Variants in SORCS2 observed in about 807,000 individuals in gnomAD.
SORCS2 encodes sortilin related VPS10 domain containing receptor 2.
In SORCS2, 100 loss-of-function variants were observed where a neutral mutation model predicts 141.6. The observed-to-expected ratio is 0.71, with a 90% CI of 0.60 to 0.83. SORCS2 has a LOEUF of 0.83. Among genes scored for constraint, SORCS2 ranks in the 40% least tolerant of loss-of-function variants. SORCS2 has a pLI of 0.00. For missense variants in SORCS2, 1,646 were observed against 1,560.2 expected, an observed-to-expected ratio of 1.05 and a Z score of -0.93; for synonymous variants, 789 against 676.9, an observed-to-expected ratio of 1.17 and a Z score of -2.57.
At chr4:7,552,652 C>G (rs995715435) in intron 3 of SORCS2, among the ~76,000 whole-genome samples, 4 of 152,226 alleles carry the variant, frequency 2.6e-5, no homozygotes, top group African/African-American at 9.6e-5. Flanking sequence ...AGTGCTTCAA[C>G]CTCCTGCCAT....
chr4:7,514,586 C>A (rs958132453), intron 2 of SORCS2, among the ~76,000 whole-genome samples: 1 of 151,898 alleles, frequency 6.6e-6, no homozygotes, highest in African/African-American at 2.4e-5. Flanking sequence ...GGGCTTCCCA[C>A]GGGGTGTCTG....
chr4:7,434,797 T>G lies in SORCS2; in HGVS notation c.548+38442T>G, dbSNP rs1727181143. On this transcript the variant is annotated intron_variant, in intron 2 of 26. Transcript: ENST00000507866. Reference sequence around the variant, plus strand: ...ATCCTGACACCACACCGTGGAGCCCTTTGCACACTCCTGGGGGCCTGAGGT... The same window carrying G: ...ATCCTGACACCACACCGTGGAGCCCGTTGCACACTCCTGGGGGCCTGAGGT... 1.2e-6 allele frequency: 2 copies of G among 1,610,264 alleles called. No individual in the cohort carries two copies. The highest frequency in any genetic ancestry group is 1.7e-5 in the Admixed American group (1 of 59,520).
In SORCS2 at chr4:7,233,807, A is replaced by G. The variant is rs566557992; in HGVS notation, c.480+40681A>G. On this transcript the variant is annotated intron_variant, in intron 1 of 26. Coordinates refer to ENST00000507866, the MANE Select transcript of SORCS2 (RefSeq NM_020777.3). This position sits in a 1 kb window ranked among gnomAD's most constrained non-coding sequence, Gnocchi z 4.5. ...ACGCCTCAGTTTTCCTGTCTGTAAA[A>G]TGGGTGCCGTGGTGCAAACATCAGA... is the stretch of plus-strand genomic sequence containing the variant. 6.6e-6 allele frequency among the ~76,000 whole-genome samples: 1 copy of G among 152,242 alleles called. No homozygotes were observed. The highest frequency in any genetic ancestry group is 2.1e-4 in the South Asian group (1 of 4,832).
At chr4:7,729,836 G>A (rs1711534738) in intron 23 of SORCS2, 124 bp downstream of exon 23, 2 of 1,363,432 alleles carry the variant, frequency 1.5e-6, no homozygotes, top group East Asian at 2.6e-5. Context: ...CTGCATCTCA[G>A]TCTGACTCAG....
chr4:7,219,622 T>G (rs1163557375), intron 1 of SORCS2, among the ~76,000 whole-genome samples: 1 of 152,136 alleles, frequency 6.6e-6, no homozygotes, highest in Non-Finnish European at 1.5e-5. Context: ...TGCCAGATGC[T>G]TATAAAACCA....
intron 1 of SORCS2, among the ~76,000 whole-genome samples, chr4:7,216,400 T>A (rs1728354125): frequency 6.6e-6 from 1 of 152,184 alleles, no homozygotes; most frequent in Non-Finnish European, 1.5e-5. Context: ...CTTGTTTTAA[T>A]CCTGTGGCTG....
chr4:7,451,811 C>G (rs148084345), intron 2 of SORCS2, among the ~76,000 whole-genome samples: 2 of 152,178 alleles, frequency 1.3e-5, no homozygotes, highest in African/African-American at 4.8e-5. Context: ...CAGACTGAAG[C>G]GGGGAGCTCA....
chr4:7,300,527 C>T (rs896339582), intron 1 of SORCS2, among the ~76,000 whole-genome samples: 2 of 152,182 alleles, frequency 1.3e-5, no homozygotes, highest in Non-Finnish European at 2.9e-5. Context: ...CATGAGTCCC[C>T]GCCACCACGG....
intron 2 of SORCS2, among the ~76,000 whole-genome samples, chr4:7,422,469 G>A (rs113578682): frequency 6.6e-6 from 1 of 152,120 alleles, no homozygotes; most frequent in African/African-American, 2.4e-5. Flanking sequence ...TGTGTGGACC[G>A]GGCTGGTGTG....
intron 3 of SORCS2, among the ~76,000 whole-genome samples, chr4:7,582,483 G>T (rs1716222911): frequency 6.6e-6 from 1 of 152,122 alleles, no homozygotes; most frequent in Non-Finnish European, 1.5e-5. Context: ...CCGGAAAGGC[G>T]GCCGCCCCCT....
In SORCS2 at chr4:7,564,965, T is replaced by G. The variant is rs375391882; in HGVS notation, c.648+33336T>G. ...AACTTTGGAAGTGGCCACTGGCCAC[T>G]CTGAATGAGATGCGGTGCACCGGCA... On this transcript the variant is annotated intron_variant, in intron 3 of 26. Coordinates refer to ENST00000507866, the MANE Select transcript of SORCS2 (RefSeq NM_020777.3). 8.5e-5 allele frequency among the ~76,000 whole-genome samples: 13 copies of G among 152,274 alleles called. No individual in the cohort carries two copies. The South Asian group carries it at 2.7e-3, about 32-fold the overall frequency.
chr4:7,463,928 T>C (rs559086068), intron 2 of SORCS2, among the ~76,000 whole-genome samples: 24 of 152,336 alleles, frequency 1.6e-4, no homozygotes, highest in Admixed American at 9.8e-4. Flanking sequence ...CAGGCACCCC[T>C]GAGTCCCCAC....
intron 10 of SORCS2, among the ~76,000 whole-genome samples, chr4:7,684,886 T>C (rs897330269): frequency 1.3e-5 from 2 of 152,016 alleles, no homozygotes; most frequent in Non-Finnish European, 2.9e-5. Flanking sequence ...GAATTCCTCC[T>C]CCCAGAGAGC....
intron 1 of SORCS2, among the ~76,000 whole-genome samples, chr4:7,285,015 C>T (rs889945749): frequency 4.1e-5 from 6 of 146,678 alleles, no homozygotes; most frequent in Non-Finnish European, 8.9e-5. Context: ...TCACCTGGGA[C>T]CATCCCATAT....
intron 1 of SORCS2, among the ~76,000 whole-genome samples, chr4:7,256,240 G>C (rs1713863525): frequency 6.6e-6 from 1 of 152,300 alleles, no homozygotes; most frequent in Non-Finnish European, 1.5e-5. Flanking sequence ...CGCTCAGAGG[G>C]GACAGCACTT....
intron 4 of SORCS2, among the ~76,000 whole-genome samples, chr4:7,653,431 C>CG (rs1289248350): frequency 6.6e-6 from 1 of 152,048 alleles, no homozygotes; most frequent in Non-Finnish European, 1.5e-5. Context: ...TTAGTAGAGG[C>CG]GGGGTTTCTC....
intron 2 of SORCS2, among the ~76,000 whole-genome samples, chr4:7,507,313 T>G (rs972559793): frequency 6.6e-6 from 1 of 152,164 alleles, no homozygotes; most frequent in Non-Finnish European, 1.5e-5. Flanking sequence ...TAGCTGGGAT[T>G]ACAGGCGCGT....
At chr4:7,253,160 T>A (rs1484397539) in intron 1 of SORCS2, among the ~76,000 whole-genome samples, 1 of 152,244 alleles carries the variant, frequency 6.6e-6, no homozygotes, top group African/African-American at 2.4e-5. Flanking sequence ...CTTTGAGGTC[T>A]CCTGAGCAGC....
At chr4:7,658,298 G>GGTGA (rs1201192766) in intron 5 of SORCS2, among the ~76,000 whole-genome samples, 1 of 150,048 alleles carries the variant, frequency 6.7e-6, no homozygotes, top group Non-Finnish European at 1.5e-5. Flanking sequence ...TGAGTGAGTG[G>GGTGA]GTGAGTGAGT....
Sources: gnomAD v4.1 joint callset for allele counts (sites outside exome capture counted in the v4.1 genomes callset) on GRCh38, gnomAD v4.1.1 for gene constraint, Gnocchi (gnomAD v3.1) non-coding constraint, MANE v1.5 for transcripts, NCBI Gene and HGNC (gene_info 2026-07-23, HGNC 2026-07-21) for gene names.